The following RPS14 variants were observed in gnomAD, a reference collection of about 807,000 sequenced individuals.
RPS14 encodes ribosomal protein S14.
A neutral mutation model predicts 15.4 loss-of-function variants in RPS14; 1 was observed. That is an observed-to-expected ratio of 0.07 (90% CI 0.02 to 0.31). The LOEUF (loss-of-function observed/expected upper bound fraction) is 0.31, where lower values mean the gene tolerates loss of function less well. Among genes scored for constraint, RPS14 ranks in the 10% least tolerant of loss-of-function variants. RPS14 has a pLI of 1.00. For missense variants in RPS14, 69 were observed against 205.5 expected (o/e 0.34, Z 4.06); for synonymous variants, 68 against 74.4 (o/e 0.91, Z 0.44).
At chr5:150,447,890 C>T (rs1771151226) in intron 1 of RPS14, 155 bp from the exon 2 acceptor site, 1 of 802,556 alleles carries the variant, frequency 1.2e-6, no homozygotes, top group African/African-American at 1.7e-5. Flanking sequence ...CTCACTAAAA[C>T]TTCTTTCTCC....
rs910829639 is a variant in RPS14, at chr5:150,444,043, G to A, written c.*243C>T. Reference sequence around the variant, plus strand: ...TAGAACCAGCATCTCCACTCAAAACGAGGTCTCCAACGCCTTGGTCTGCTT... The same window carrying A: ...TAGAACCAGCATCTCCACTCAAAACAAGGTCTCCAACGCCTTGGTCTGCTT... On this transcript the variant is annotated 3_prime_UTR_variant, in exon 5 of 5. Transcript: ENST00000407193. 3.3e-5 allele frequency: 11 copies of A among 336,522 alleles called. No individual in the cohort carries two copies. Among genetic ancestry groups the A allele is most frequent in the Non-Finnish European group, 5.9e-5 (11 of 187,380 alleles). 20.8% of individuals were successfully genotyped at this position (336,522 alleles called of 1,614,324 possible). A position where few individuals can be genotyped will look rare whatever the true frequency, so the allele number is the denominator to read the frequency against.
chr5:150,444,486 A>T, intron 4 of RPS14, 133 bp from the exon 5 acceptor site: 1 of 730,318 alleles, frequency 1.4e-6, no homozygotes, highest in Non-Finnish European at 2.4e-6. Context: ...TACCTAACAG[A>T]TGGATGTGAA....
At chr5:150,444,847 G>C (rs993794120) in intron 4 of RPS14, among the ~76,000 whole-genome samples, 1 of 139,132 alleles carries the variant, frequency 7.2e-6, no homozygotes, top group Admixed American at 7.4e-5. Flanking sequence ...GCAACATGGT[G>C]AAACTCCCCG....
At chr5:150,444,389 C>G in intron 4 of RPS14, 36 bp from the exon 5 acceptor site, 1 of 1,590,556 alleles carries the variant, frequency 6.3e-7, no homozygotes, top group Middle Eastern at 1.7e-4. Context: ...TTGCCTGGAG[C>G]TGGATGGGAA....
chr5:150,443,224 A>AT lies in RPS14; in HGVS notation c.*1061dup, dbSNP rs1770991530. ...TGTGCACAACGTGCAGGTTTGTTAC[A>AT]TATGTATACATGTGCCATGTTGGTG... On this transcript the variant is annotated 3_prime_UTR_variant, in exon 5 of 5. Transcript: ENST00000407193. 6.6e-6 allele frequency: 1 copy of AT among 151,442 alleles called. No homozygotes were observed. Among genetic ancestry groups the AT allele is most frequent in the Admixed American group, 6.6e-5 (1 of 15,182 alleles). The allele number at this position is 151,442 out of a possible 1,614,324, so 9.4% of individuals were successfully genotyped here.
In RPS14 at chr5:150,444,244, T is replaced by C. The variant is rs375786077; in HGVS notation, c.*42A>G. 4.3e-5 allele frequency: 69 copies of C among 1,590,578 alleles called. No individual in the cohort carries two copies. Among genetic ancestry groups the C allele is most frequent in the Non-Finnish European group, 5.8e-5 (68 of 1,167,054 alleles). The stretch of plus-strand genomic sequence containing the variant: ...AAGGCTGGAGTTGAAACAGTTTACA[T>C]GAAGGCAATTTATTAACAGAAAATA... On this transcript the variant is annotated 3_prime_UTR_variant, in exon 5 of 5. Transcript: ENST00000407193.
chr5:150,444,404 C>T (rs767127117), intron 4 of RPS14, 51 bp from the exon 5 acceptor site: 16 of 1,501,424 alleles, frequency 1.1e-5, no homozygotes, highest in Non-Finnish European at 1.5e-5. Context: ...TGGGAAGGGC[C>T]CCCAGGACTC....
At chr5:150,447,169 A>G in intron 2 of RPS14, 1 of 585,540 alleles carries the variant, frequency 1.7e-6, no homozygotes, top group Non-Finnish European at 3.0e-6. Flanking sequence ...TTTGCATTTA[A>G]TCCTTACCAT....
intron 2 of RPS14, 116 bp from the exon 3 acceptor site, chr5:150,447,079 C>T: frequency 7.9e-7 from 1 of 1,272,672 alleles, no homozygotes; most frequent in South Asian, 1.4e-5. Context: ...GTCATGGGCT[C>T]TGCCCTCATG....
chr5:150,447,037 G>A, intron 2 of RPS14, 74 bp from the exon 3 acceptor site: 5 of 1,538,786 alleles, frequency 3.2e-6, no homozygotes, highest in Non-Finnish European at 4.4e-6. Context: ...TGAGTGAAGA[G>A]CAACACAGCT....
rs1386762303 is a variant in RPS14, at chr5:150,443,492, AG to A, written c.*793del. 1 of 152,250 alleles carries A rather than the reference AG, an allele frequency of 6.6e-6. No homozygotes were observed. Among genetic ancestry groups the A allele is most frequent in the Non-Finnish European group, 1.5e-5 (1 of 68,064 alleles). The allele number at this position is 152,250 out of a possible 1,614,324, so 9.4% of individuals were successfully genotyped here. A position where few individuals can be genotyped will look rare whatever the true frequency, so the allele number is the denominator to read the frequency against. ...CAAAGGCTAAAAGCAGCATCCCAACAGATTTTCCCCTCTTGCTGGTTTCTTT... is the reference window on the plus strand; with the variant it reads ...CAAAGGCTAAAAGCAGCATCCCAACAATTTTCCCCTCTTGCTGGTTTCTTT... On this transcript the variant is annotated 3_prime_UTR_variant, in exon 5 of 5. Coordinates refer to ENST00000407193, the MANE Select transcript of RPS14 (RefSeq NM_005617.4).
chr5:150,449,280 G>C (rs1213181074), intron 1 of RPS14: 1 of 152,204 alleles, frequency 6.6e-6, no homozygotes, highest in African/African-American at 2.4e-5. Context: ...CATGGGATCG[G>C]TGCTATTGTT....
rs1771017639 is a variant in RPS14 at position 150,444,116 on chromosome 5, C to A, written c.*170G>T. Reference sequence around the variant, plus strand: ...GCCGCAAGTAGCATGGAAAAGACCCCAAATGCAGCACCAGGATCTCAGCTC... The same window carrying A: ...GCCGCAAGTAGCATGGAAAAGACCCAAAATGCAGCACCAGGATCTCAGCTC... On this transcript the variant is annotated 3_prime_UTR_variant, in exon 5 of 5. Transcript: ENST00000407193. The A allele has an allele frequency of 9.7e-7, 1 of 1,030,808 alleles. No individual in the cohort carries two copies. 63.9% of individuals were successfully genotyped at this position (1,030,808 alleles called of 1,614,324 possible). A position where few individuals can be genotyped will look rare whatever the true frequency, so the allele number is the denominator to read the frequency against.
intron 2 of RPS14, 180 bp downstream of exon 2, chr5:150,447,405 G>A (rs1771133330): frequency 3.0e-6 from 2 of 658,582 alleles, no homozygotes; most frequent in African/African-American, 1.8e-5. Flanking sequence ...CGAAGAATGT[G>A]TCTCCTCTCT....
intron 1 of RPS14, 117 bp from the exon 2 acceptor site, chr5:150,447,852 A>G (rs1771149785): frequency 9.8e-6 from 11 of 1,124,908 alleles, no homozygotes; most frequent in Admixed American, 2.2e-5. Flanking sequence ...CTTCCATCCA[A>G]TACTCTACTG....
intron 4 of RPS14, among the ~76,000 whole-genome samples, chr5:150,445,056 G>A (rs948448907): frequency 1.3e-5 from 2 of 152,208 alleles, no homozygotes; most frequent in African/African-American, 4.8e-5. Context: ...GTAGGACACA[G>A]TAGGAACTTT....
rs762235358 is a variant in RPS14, at chr5:150,447,171, C to G, written c.150-208G>C. The G allele has an allele frequency of 9.4e-5, 55 of 584,488 alleles. No homozygotes were observed. The East Asian group carries it at 1.6e-3, about 17-fold the overall frequency. The allele number at this position is 584,488 out of a possible 1,614,324, so 36.2% of individuals were successfully genotyped here. ...TTATATATCTACTTTTGCATTTAATCCTTACCATTACTCCACAAGGTAGAC... is the reference window on the plus strand; with the variant it reads ...TTATATATCTACTTTTGCATTTAATGCTTACCATTACTCCACAAGGTAGAC... On this transcript the variant is annotated intron_variant, in intron 2 of 4. Coordinates refer to ENST00000407193, the MANE Select transcript of RPS14 (RefSeq NM_005617.4).
At chr5:150,448,359 C>G (rs1361218954) in intron 1 of RPS14, 1 of 152,288 alleles carries the variant, frequency 6.6e-6, no homozygotes, top group Non-Finnish European at 1.5e-5. Context: ...AAAGACCCAT[C>G]TCAGAAATCT....
At position 150,447,384 on chromosome 5, in the gene RPS14, C is replaced by A. The variant is rs185811692; in HGVS notation, c.149+201G>T. Reference sequence around the variant, plus strand: ...GAAACCAAGGATTCAATGACCATCACGCTGTAAGGACGAAGAATGTGTCTC... The same window carrying A: ...GAAACCAAGGATTCAATGACCATCAAGCTGTAAGGACGAAGAATGTGTCTC... On this transcript the variant is annotated intron_variant, in intron 2 of 4. Coordinates refer to ENST00000407193, the MANE Select transcript of RPS14 (RefSeq NM_005617.4). The A allele has an allele frequency of 6.9e-4, 416 of 604,830 alleles. 8 individuals are homozygous for A. In the South Asian group the frequency reaches 8.2e-3, roughly 12 times the overall value. The allele number at this position is 604,830 out of a possible 1,614,324, so 37.5% of individuals were successfully genotyped here.
Sources: allele counts gnomAD v4.1 joint callset (sites outside exome capture counted in the v4.1 genomes callset), GRCh38; gene constraint gnomAD v4.1.1; transcripts MANE v1.5; gene names NCBI Gene and HGNC (gene_info 2026-07-23, HGNC 2026-07-21).